BAP1: variants seen among roughly 807,000 people sequenced by gnomAD.
BAP1 encodes ubiquitin carboxyl-terminal hydrolase BAP1.
Under a neutral mutation model 77.2 loss-of-function variants are expected in BAP1, and 16 were observed. The ratio of observed to expected loss-of-function variants is 0.21; its 90% confidence interval spans 0.14 to 0.31. The LOEUF is 0.31. Ranked by LOEUF, BAP1 falls within the 10% of genes least tolerant of loss-of-function variation. The probability of loss-of-function intolerance (pLI) is 1.00; values close to 1 mark genes in which losing one functional copy is unlikely to be tolerated. For missense variants in BAP1, 699 were observed against 967.3 expected, an observed-to-expected ratio of 0.72 and a Z score of 3.68; for synonymous variants, 362 against 385.2, an observed-to-expected ratio of 0.94 and a Z score of 0.71.
Position 52,406,711 on chromosome 3 carries a change from T to A in BAP1, c.659+118A>T. 1 of 1,204,140 alleles carries A rather than the reference T, an allele frequency of 8.3e-7. No individual in the cohort carries two copies. The highest frequency in any genetic ancestry group is 1.2e-6 in the Non-Finnish European group (1 of 842,782). 74.6% of individuals were successfully genotyped at this position (1,204,140 alleles called of 1,614,324 possible). A position where few individuals can be genotyped will look rare whatever the true frequency, so the allele number is the denominator to read the frequency against. On this transcript the variant is annotated intron_variant, in intron 8 of 16. Coordinates refer to ENST00000460680, the MANE Select transcript of BAP1 (RefSeq NM_004656.4). This position sits in a 1 kb window ranked among gnomAD's most constrained non-coding sequence, Gnocchi z 4.6. ...AAGTTGAGAACCCATGATCTAAGCC[T>A]GATCTTGCCAGATTCACCATATGGC...
In BAP1 at chr3:52,405,362, G is replaced by A. The variant is rs1331349755; in HGVS notation, c.932-68C>T. Reference sequence around the variant, plus strand: ...TCCAAGAAAAGCTCACAGTCTCCCCGGCCCTGTGAACCAGCACTTCCCAGA... The same window carrying A: ...TCCAAGAAAAGCTCACAGTCTCCCCAGCCCTGTGAACCAGCACTTCCCAGA... On this transcript the variant is annotated intron_variant, in intron 10 of 16. Coordinates refer to ENST00000460680, the MANE Select transcript of BAP1 (RefSeq NM_004656.4). The A allele has an allele frequency of 7.5e-6, 12 of 1,596,748 alleles. No individual in the cohort carries two copies. In the African/African-American group the frequency reaches 8.0e-5, roughly 11 times the overall value.
At position 52,404,370 on chromosome 3, in the gene BAP1, G is replaced by C. The variant is rs539138443; in HGVS notation, c.1250+83C>G. 3 of 1,603,728 alleles carry C rather than the reference G, an allele frequency of 1.9e-6. No individual in the cohort carries two copies. The East Asian group carries it at 6.7e-5, about 36-fold the overall frequency. ...CAGGTGCTCAACATTATCTGCTGCA[G>C]GGCATTCTCAGACACAGACTGAGAT... On this transcript the variant is annotated intron_variant, in intron 12 of 16. Transcript: ENST00000460680.
Position 52,405,639 on chromosome 3 carries a change from C to T in BAP1, c.931+126G>A, listed in dbSNP as rs1309333895. On this transcript the variant is annotated intron_variant, in intron 10 of 16. Transcript: ENST00000460680. ...TAGGGAAGGACTGCTCTCCCTCTAC[C>T]TTCTGACGGGGGAAGAACACTGCCC... 3.4e-6 allele frequency: 5 copies of T among 1,452,938 alleles called. No individual in the cohort carries two copies. In the East Asian group the frequency reaches 9.9e-5, roughly 29 times the overall value. The allele number at this position is 1,452,938 out of a possible 1,614,324, so 90.0% of individuals were successfully genotyped here. A position where few individuals can be genotyped will look rare whatever the true frequency, so the allele number is the denominator to read the frequency against.
rs1389012731 is a variant in BAP1, at chr3:52,403,266, G to A, written c.1762C>T (p.Pro588Ser). Reference sequence around the variant, plus strand: ...CTGGACCCCTGGCTGCCTTGGATTGGTCTGATGGAGGGCGAGGAACCCTTC... The same window carrying A: ...CTGGACCCCTGGCTGCCTTGGATTGATCTGATGGAGGGCGAGGAACCCTTC... ...GGKGSSPSIR[P>S]IQGSQGSSSP... Residue 588 changes from proline (P) to serine (S), a missense_variant, in exon 14 of 17, where the codon CCA (proline) becomes TCA (serine). By Grantham distance (74) the Pro-to-Ser change is moderately conservative. Transcript: ENST00000460680. The surrounding 1 kb of genome is among the most constrained non-coding windows in gnomAD (Gnocchi z 4.0). 2 of 1,614,042 alleles carry A rather than the reference G, an allele frequency of 1.2e-6. No homozygotes were observed. The highest frequency in any genetic ancestry group is 2.2e-5 in the South Asian group (2 of 91,084).
rs752864098 is a variant in BAP1, at chr3:52,404,551, G to C, written c.1152C>G (p.Ser384Arg). 19 of 1,613,672 alleles carry C rather than the reference G, an allele frequency of 1.2e-5. No individual in the cohort carries two copies. The highest frequency in any genetic ancestry group is 1.6e-5 in the Non-Finnish European group (19 of 1,179,966). Reference sequence around the variant, plus strand: ...GCTGGGGTGGGCGGACTGGAACTCGGCTGCGGCCCACACCTGCCGCCAGGT... The same window carrying C: ...GCTGGGGTGGGCGGACTGGAACTCGCCTGCGGCCCACACCTGCCGCCAGGT... Reference protein sequence around the residue: ...EEDLAAGVGRSRVPVRPPQQY... With the variant: ...EEDLAAGVGRRRVPVRPPQQY... The change falls in exon 12 of 17, where the codon AGC becomes AGG. Residue 384 changes from serine (S) to arginine (R), a missense_variant. Ser to Arg is a moderately radical substitution (Grantham distance 110). This residue lies in a region of BAP1 where 475 missense variants were observed against 532.4 expected (regional missense o/e 0.89). Transcript: ENST00000460680.
rs1553644740 is a variant in BAP1, at chr3:52,403,272, T to G, written c.1756A>C (p.Ile586Leu). The change falls in exon 14 of 17, where the codon ATC (isoleucine) becomes CTC (leucine). Residue 586 changes from isoleucine to leucine, a missense_variant. Coordinates refer to ENST00000460680, the MANE Select transcript of BAP1 (RefSeq NM_004656.4). The surrounding 1 kb of genome is among the most constrained non-coding windows in gnomAD (Gnocchi z 4.0). ...TEGGKGSSPS[I>L]RPIQGSQGSS... Reference sequence around the variant, plus strand: ...CCCTGGCTGCCTTGGATTGGTCTGATGGAGGGCGAGGAACCCTTCCCACCC... The same window carrying G: ...CCCTGGCTGCCTTGGATTGGTCTGAGGGAGGGCGAGGAACCCTTCCCACCC... The G allele has an allele frequency of 6.2e-7, 1 of 1,614,070 alleles. No homozygotes were observed.
At position 52,403,902 on chromosome 3, in the gene BAP1, G is replaced by T. The variant is rs766385310; in HGVS notation, c.1251-8C>A. On this transcript the variant is annotated splice_polypyrimidine_tract_variant and splice_region_variant and intron_variant, in intron 12 of 16. Transcript: ENST00000460680. This position sits in a 1 kb window ranked among gnomAD's most constrained non-coding sequence, Gnocchi z 4.0. ...GTTCCCTTCCCCTTATACCTGTGGG[G>T]CCCGAGAAGATGTGAAGCAAGGGAA... 5.6e-6 allele frequency: 9 copies of T among 1,613,544 alleles called. No homozygotes were observed. The African/African-American group carries it at 8.0e-5, about 14-fold the overall frequency.
At chr3:52,405,436 T>A in intron 10 of BAP1, 142 bp from the exon 11 acceptor site, 1 of 750,640 alleles carries the variant, frequency 1.3e-6, no homozygotes, top group Non-Finnish European at 2.0e-6. Flanking sequence ...AAGCTCTAAG[T>A]CATGATCCCG....
At chr3:52,407,505 G>A (rs374410140) in intron 5 of BAP1, 45 bp from the exon 6 acceptor site, 2 of 1,612,840 alleles carry the variant, frequency 1.2e-6, no homozygotes, top group Non-Finnish European at 1.7e-6. Context: ...TTTCTCCTCA[G>A]GTAGGACTAT....
rs1246318466 is a variant in BAP1, at chr3:52,409,922, T to G, written c.-44A>C. The G allele has an allele frequency of 6.3e-7, 1 of 1,596,150 alleles. No homozygotes were observed. ...CTCAGCGCCATGTCCAGGCCCTCCC[T>G]CCCCACCGCTGCCCCCACCGGGAGC... On this transcript the variant is annotated 5_prime_UTR_variant, in exon 1 of 17. Coordinates refer to ENST00000460680, the MANE Select transcript of BAP1 (RefSeq NM_004656.4).
intron 10 of BAP1, 54 bp downstream of exon 10, chr3:52,405,711 C>G (rs1705133702): frequency 6.2e-7 from 1 of 1,608,348 alleles, no homozygotes; most frequent in African/African-American, 1.3e-5. Flanking sequence ...CCTCCCATGT[C>G]AGACATTAGC....
In BAP1 at chr3:52,403,353, T is replaced by C. The variant is rs1459813504; in HGVS notation, c.1730-55A>G. On this transcript the variant is annotated intron_variant, in intron 13 of 16. Transcript: ENST00000460680. The surrounding 1 kb of genome is among the most constrained non-coding windows in gnomAD (Gnocchi z 4.0). ...AGAGTGCAGGACACTTTGTGGTCAC[T>C]TGGCCACTTCCCTCCTCCCTCCTGG... 3.1e-6 allele frequency: 5 copies of C among 1,612,196 alleles called. No homozygotes were observed. Among genetic ancestry groups the C allele is most frequent in the African/African-American group, 1.3e-5 (1 of 74,910 alleles).
At position 52,406,919 on chromosome 3, in the gene BAP1, C is replaced by A. The variant is rs2153227667; in HGVS notation, c.581-12G>T. On this transcript the variant is annotated splice_polypyrimidine_tract_variant and intron_variant, in intron 7 of 16. Transcript: ENST00000460680. The surrounding 1 kb of genome is among the most constrained non-coding windows in gnomAD (Gnocchi z 4.6). ...CTCCCCCCAGGGCCCTAGTGGAGAC[C>A]AAGACAAGGAATCAGCGAGAAGGAA... 6.4e-7 allele frequency: 1 copy of A among 1,568,108 alleles called. No homozygotes were observed. Among genetic ancestry groups the A allele is most frequent in the African/African-American group, 1.4e-5 (1 of 73,906 alleles).
intron 7 of BAP1, 52 bp downstream of exon 7, chr3:52,407,122 C>T (rs979980810): frequency 2.1e-5 from 34 of 1,611,250 alleles, no homozygotes; most frequent in Non-Finnish European, 2.6e-5. Flanking sequence ...AGCCCCAGCT[C>T]CCTAGGAGGT....
chr3:52,408,651 G>C (rs758253656), intron 3 of BAP1, 45 bp from the exon 4 acceptor site: 1 of 1,586,742 alleles, frequency 6.3e-7, no homozygotes, highest in African/African-American at 1.3e-5. Context: ...AAGGGGAGAA[G>C]ACAATCAGCA....
At chr3:52,405,452 A>G in intron 10 of BAP1, 158 bp from the exon 11 acceptor site, 1 of 491,562 alleles carries the variant, frequency 2.0e-6, no homozygotes, top group South Asian at 1.8e-5. Flanking sequence ...TCCCGCAATG[A>G]GACAGGGCAA....
rs2153226666 is a variant in BAP1, at chr3:52,403,579, A to G, written c.1566T>C (p.Pro522=). The change falls in exon 13 of 17, where the codon CCT becomes CCC. Residue 522 remains proline, a synonymous_variant. Transcript: ENST00000460680. The surrounding 1 kb of genome is among the most constrained non-coding windows in gnomAD (Gnocchi z 4.0). ...GCACCTTGGAGATGTGGGAGGTGACAGGGCTGGAGGGCCGCGTCGGGTTGG... is the reference window on the plus strand; with the variant it reads ...GCACCTTGGAGATGTGGGAGGTGACGGGGCTGGAGGGCCGCGTCGGGTTGG... ...RSANPTRPSS[P]VTSHISKVLF... is the part of the protein sequence containing the mutation. The G allele has an allele frequency of 1.2e-6, 2 of 1,614,146 alleles. No individual in the cohort carries two copies. The highest frequency in any genetic ancestry group is 1.1e-5 in the South Asian group (1 of 91,088).
At chr3:52,408,652 A>G (rs1323648292) in intron 3 of BAP1, 46 bp from the exon 4 acceptor site, 2 of 1,585,222 alleles carry the variant, frequency 1.3e-6, no homozygotes, top group Non-Finnish European at 8.6e-7. Flanking sequence ...AGGGGAGAAG[A>G]CAATCAGCAT....
chr3:52,408,736 C>G, intron 3 of BAP1, 130 bp from the exon 4 acceptor site: 1 of 1,209,518 alleles, frequency 8.3e-7, no homozygotes. Context: ...CCCCTCTCCC[C>G]TGGCTTCTTC....
Sources: gnomAD v4.1 joint callset for allele counts on GRCh38, gnomAD v4.1.1 for gene constraint, gnomAD v4.1.1 regional missense constraint, Gnocchi (gnomAD v3.1) non-coding constraint, MANE v1.5 for transcripts, NCBI Gene and HGNC (gene_info 2026-07-23, HGNC 2026-07-21) for gene names.